LMNB1: variants seen among roughly 807,000 people sequenced by gnomAD.
The protein encoded by LMNB1 is lamin-B1.
Under a neutral mutation model 67.1 loss-of-function variants are expected in LMNB1, and 23 were observed. The ratio of observed to expected loss-of-function variants is 0.34; its 90% CI spans 0.25 to 0.49. The LOEUF (loss-of-function observed/expected upper bound fraction) is 0.49, where lower values mean the gene tolerates loss of function less well. Ranked by LOEUF, LMNB1 falls within the 20% of genes least tolerant of loss-of-function variation. The probability of loss-of-function intolerance (pLI) is 0.99; values close to 1 mark genes in which losing one functional copy is unlikely to be tolerated. For missense variants in LMNB1, 634 were observed against 746.5 expected, an observed-to-expected ratio of 0.85 and a Z score of 1.76; for synonymous variants, 281 against 282.9, an observed-to-expected ratio of 0.99 and a Z score of 0.07.
chr5:126,805,937 A>G (rs1183035261), intron 3 of LMNB1, among the ~76,000 whole-genome samples: 1 of 152,050 alleles, frequency 6.6e-6, no homozygotes, highest in African/African-American at 2.4e-5. Context: ...ATTTCACTTC[A>G]TCTTACTTAT....
At chr5:126,801,175 G>A (rs1174415906) in intron 1 of LMNB1, among the ~76,000 whole-genome samples, 7 of 149,710 alleles carry the variant, frequency 4.7e-5, no homozygotes, top group African/African-American at 1.7e-4. Context: ...AGTAGAGATG[G>A]GGTCTCACCG....
intron 3 of LMNB1, among the ~76,000 whole-genome samples, chr5:126,808,367 T>C (rs1354508355): frequency 2.0e-5 from 3 of 151,282 alleles, no homozygotes; most frequent in Non-Finnish European, 4.4e-5. Flanking sequence ...TTTTTTTTCC[T>C]TACTTTTTAC....
At position 126,834,790 on chromosome 5, in the gene LMNB1, G is replaced by A. The variant is rs186967895; in HGVS notation, c.1720-1433G>A. Among the ~76,000 whole-genome samples the A allele has an allele frequency of 3.8e-3, 582 of 152,256 alleles. 5 individuals carry two copies. The highest frequency in any genetic ancestry group is 0.013 in the African/African-American group (537 of 41,562). ...ACTCGGGAGGCTGAGGCAGGAGAAT[G>A]GCGTGAACCCGGGAGGCGGAGCTTG... On this transcript the variant is annotated intron_variant, in intron 10 of 10. Transcript: ENST00000261366.
At chr5:126,796,732 G>A (rs556783641) in intron 1 of LMNB1, among the ~76,000 whole-genome samples, 2 of 151,690 alleles carry the variant, frequency 1.3e-5, no homozygotes, top group East Asian at 1.9e-4. Flanking sequence ...ATGTTAGCAG[G>A]AATATAAATA....
chr5:126,792,250 C>A (rs1268700611), intron 1 of LMNB1, among the ~76,000 whole-genome samples: 1 of 149,698 alleles, frequency 6.7e-6, no homozygotes, highest in Non-Finnish European at 1.5e-5. Flanking sequence ...TTAAGTGATT[C>A]TCCTGCCTCA....
intron 1 of LMNB1, among the ~76,000 whole-genome samples, chr5:126,781,672 G>A (rs1482398717): frequency 6.6e-6 from 1 of 152,134 alleles, no homozygotes; most frequent in African/African-American, 2.4e-5. Context: ...CTGACCTCAG[G>A]TGATCCACCC....
At chr5:126,800,967 A>ATATATG (rs1252038811) in intron 1 of LMNB1, among the ~76,000 whole-genome samples, 1 of 75,182 alleles carries the variant, frequency 1.3e-5, no homozygotes, top group Non-Finnish European at 2.8e-5. Flanking sequence ...ATATATATAT[A>ATATATG]TATATATATA....
At chr5:126,780,332 A>G (rs1750597156) in intron 1 of LMNB1, among the ~76,000 whole-genome samples, 1 of 152,250 alleles carries the variant, frequency 6.6e-6, no homozygotes, top group Admixed American at 6.5e-5. Context: ...CCCAGCAAGT[A>G]AAGAAAGATT....
chr5:126,820,883 A>G (rs767408025), intron 6 of LMNB1, 27 bp from the exon 7 acceptor site: 2 of 1,558,822 alleles, frequency 1.3e-6, no homozygotes, highest in Admixed American at 1.7e-5. Context: ...TGTTTTAAAA[A>G]TGAATTGTTT....
intron 1 of LMNB1, among the ~76,000 whole-genome samples, chr5:126,802,591 A>C (rs890594386): frequency 6.6e-6 from 1 of 151,928 alleles, no homozygotes; most frequent in Non-Finnish European, 1.5e-5. Flanking sequence ...TTACAGGCAC[A>C]CCCCACCATG....
intron 1 of LMNB1, among the ~76,000 whole-genome samples, chr5:126,791,788 CTT>C (rs1237699459): frequency 3.3e-5 from 5 of 151,266 alleles, no homozygotes; most frequent in East Asian, 2.0e-4. Flanking sequence ...CTTGATGTCT[CTT>C]TTTTTGTTTT....
At position 126,790,746 on chromosome 5, in the gene LMNB1, C is replaced by T. The variant is rs1750932290; in HGVS notation, c.359+12879C>T. ...GCATTGATAGTTTGGGTATAGAATTCTAGGTTGTAAATGCTATTTTCTTAG... is the reference window on the plus strand; with the variant it reads ...GCATTGATAGTTTGGGTATAGAATTTTAGGTTGTAAATGCTATTTTCTTAG... On this transcript the variant is annotated intron_variant, in intron 1 of 10. Transcript: ENST00000261366. Among the ~76,000 whole-genome samples, 3 of 152,016 alleles carry T rather than the reference C, an allele frequency of 2.0e-5. No individual in the cohort carries two copies. In the South Asian group the frequency reaches 6.2e-4, roughly 32 times the overall value.
chr5:126,782,581 G>A (rs974787080), intron 1 of LMNB1, among the ~76,000 whole-genome samples: 3 of 152,010 alleles, frequency 2.0e-5, no homozygotes, highest in African/African-American at 7.2e-5. Flanking sequence ...ACAGAGTCTC[G>A]CTCTTTTGCC....
intron 1 of LMNB1, among the ~76,000 whole-genome samples, chr5:126,802,527 T>G (rs1291363799): frequency 1.3e-5 from 2 of 152,198 alleles, no homozygotes; most frequent in African/African-American, 4.8e-5. Context: ...CACTGCAACC[T>G]CTACCTCCCG....
intron 1 of LMNB1, among the ~76,000 whole-genome samples, chr5:126,788,000 A>G (rs1750852171): frequency 6.6e-6 from 1 of 152,054 alleles, no homozygotes; most frequent in African/African-American, 2.4e-5. Flanking sequence ...TACAAACACT[A>G]GTAAGAACAC....
chr5:126,810,012 C>CCTT (rs3830481), intron 3 of LMNB1, among the ~76,000 whole-genome samples, 168 bp from the exon 4 acceptor site: 106,092 of 151,760 alleles, frequency 0.7, 37,246 homozygotes, highest in Middle Eastern at 0.74. Context: ...ATTTCAAAAA[C>CCTT]CTCAACTGAA....
chr5:126,783,896 A>G (rs1173030053), intron 1 of LMNB1, among the ~76,000 whole-genome samples: 1 of 151,924 alleles, frequency 6.6e-6, no homozygotes, highest in Non-Finnish European at 1.5e-5. Context: ...TCAGTTGAGT[A>G]ATGGGACCCT....
At chr5:126,777,985 C>G in intron 1 of LMNB1, 118 bp downstream of exon 1, 1 of 921,434 alleles carries the variant, frequency 1.1e-6, no homozygotes, top group South Asian at 2.4e-5. Flanking sequence ...ACGCGTCCTT[C>G]TGAAGGAACA....
chr5:126,817,920 A>G (rs1751754280), intron 5 of LMNB1, among the ~76,000 whole-genome samples: 1 of 152,192 alleles, frequency 6.6e-6, no homozygotes, highest in African/African-American at 2.4e-5. Context: ...TCATGGAGAA[A>G]CACAGAAGAA....
Sources: gnomAD v4.1 joint callset for allele counts (sites outside exome capture counted in the v4.1 genomes callset) on GRCh38, gnomAD v4.1.1 for gene constraint, MANE v1.5 for transcripts, NCBI Gene and HGNC (gene_info 2026-07-23, HGNC 2026-07-21) for gene names.